ETFA: variants seen among roughly 807,000 people sequenced by gnomAD.
ETFA encodes the protein electron transfer flavoprotein subunit alpha, mitochondrial.
Under a neutral mutation model 46.2 loss-of-function variants are expected in ETFA, and 22 were observed. That is an observed-to-expected ratio of 0.48 (90% CI 0.34 to 0.68). The LOEUF is 0.68. Among genes scored for constraint, ETFA ranks in the 30% least tolerant of loss-of-function variants. The probability of loss-of-function intolerance (pLI) is 0.01; values close to 1 mark genes in which losing one functional copy is unlikely to be tolerated. For synonymous variants in ETFA, 131 were observed against 139.9 expected (o/e 0.94, Z 0.45); for missense variants, 345 against 401.1 (o/e 0.86, Z 1.19).
chr15:76,288,212 G>C (rs1235382466), intron 4 of ETFA, among the ~76,000 whole-genome samples: 1 of 152,088 alleles, frequency 6.6e-6, no homozygotes, highest in African/African-American at 2.4e-5. Flanking sequence ...TGAACTATGA[G>C]ATATGAAATT....
At chr15:76,259,708 C>A in intron 9 of ETFA, 1 of 1,357,912 alleles carries the variant, frequency 7.4e-7, no homozygotes, top group Non-Finnish European at 1.1e-6. Flanking sequence ...CAGCCACACA[C>A]ACGGTCATGT....
chr15:76,216,368 G>T lies in ETFA; in HGVS notation c.*191C>A. On this transcript the variant is annotated 3_prime_UTR_variant, in exon 12 of 12. Coordinates refer to ENST00000557943, the MANE Select transcript of ETFA (RefSeq NM_000126.4). ...TAAAAAGTTCAAACAATAATTGTTT[G>T]GAACCACAAATAATTAAAAGGAAAC... is the stretch of plus-strand genomic sequence containing the variant. 1 of 568,424 alleles carries T rather than the reference G, an allele frequency of 1.8e-6. No homozygotes were observed. The highest frequency in any genetic ancestry group is 3.1e-6 in the Non-Finnish European group (1 of 322,686). 35.2% of individuals were successfully genotyped at this position (568,424 alleles called of 1,614,324 possible).
At chr15:76,243,064 A>T (rs984670986) in intron 9 of ETFA, among the ~76,000 whole-genome samples, 1 of 152,222 alleles carries the variant, frequency 6.6e-6, no homozygotes, top group African/African-American at 2.4e-5. Flanking sequence ...TGGGAGGACA[A>T]GGTGGGTGGA....
chr15:76,277,105 C>T (rs1000331818), intron 8 of ETFA, among the ~76,000 whole-genome samples: 10 of 152,334 alleles, frequency 6.6e-5, no homozygotes, highest in East Asian at 1.9e-4. Flanking sequence ...CCTATGGTGA[C>T]GTCTTGGTCT....
In ETFA at chr15:76,298,095, T is replaced by C. The variant is rs183322463; in HGVS notation, c.40-2358A>G. Among the ~76,000 whole-genome samples the C allele has an allele frequency of 9.6e-4, 146 of 151,564 alleles. 1 individual carries two copies. The highest frequency in any genetic ancestry group is 3.5e-3 in the African/African-American group (143 of 41,308). On this transcript the variant is annotated intron_variant, in intron 1 of 11. Coordinates refer to ENST00000557943, the MANE Select transcript of ETFA (RefSeq NM_000126.4). ...TCTTGCTCTGTTGCCCAGGCCAGAG[T>C]GCAGTGGCGTGCTCTTGACTCACTG...
In ETFA at chr15:76,268,189, C is replaced by CAAAAAAA. The variant is rs57096514; in HGVS notation, c.816+6216_816+6222dup. 5.0e-4 allele frequency among the ~76,000 whole-genome samples: 53 copies of CAAAAAAA among 107,066 alleles called. 1 individual carries two copies. The highest frequency in any genetic ancestry group is 2.1e-3 in the East Asian group (7 of 3,378). The allele number at this position is 107,066 out of a possible 152,430, so 70.2% of individuals were successfully genotyped here. A position where few individuals can be genotyped will look rare whatever the true frequency, so the allele number is the denominator to read the frequency against. ...GCAATGGCATGCCTCCCAGCTACAG[C>CAAAAAAA]AAAAAAAAAAAAAAAAAGCCTTTGC... On this transcript the variant is annotated intron_variant, in intron 9 of 11. Transcript: ENST00000557943.
chr15:76,284,651 C>T (rs1416221094), intron 7 of ETFA, among the ~76,000 whole-genome samples: 2 of 151,944 alleles, frequency 1.3e-5, no homozygotes, highest in Non-Finnish European at 2.9e-5. Context: ...CCACCATGCC[C>T]AGCTAATTTT....
chr15:76,297,882 C>T (rs116223507), intron 1 of ETFA, among the ~76,000 whole-genome samples: 3,220 of 152,162 alleles, frequency 0.021, 110 homozygotes, highest in African/African-American at 0.074. Flanking sequence ...TTCTCAGATA[C>T]CACCTAGAGA....
intron 1 of ETFA, among the ~76,000 whole-genome samples, chr15:76,303,651 A>T (rs1297654733): frequency 2.0e-5 from 3 of 152,256 alleles, no homozygotes; most frequent in Non-Finnish European, 4.4e-5. Flanking sequence ...TGGGCAATGG[A>T]CATCAACAGA....
chr15:76,251,570 G>A (rs953611140), intron 9 of ETFA, among the ~76,000 whole-genome samples: 2 of 152,156 alleles, frequency 1.3e-5, no homozygotes, highest in Non-Finnish European at 2.9e-5. Flanking sequence ...CTGGACAGTA[G>A]TTCTGATAAT....
chr15:76,263,420 G>A (rs143950958), intron 9 of ETFA, among the ~76,000 whole-genome samples: 10 of 152,238 alleles, frequency 6.6e-5, no homozygotes, highest in African/African-American at 1.9e-4. Flanking sequence ...ACCCAGGGAC[G>A]ACTGAAAGAA....
intron 9 of ETFA, among the ~76,000 whole-genome samples, chr15:76,262,928 G>A (rs1177807002): frequency 1.3e-5 from 2 of 152,136 alleles, no homozygotes; most frequent in Admixed American, 1.3e-4. Context: ...AAAGTGCTGG[G>A]GGGAACTATA....
intron 9 of ETFA, chr15:76,261,144 A>T: frequency 6.5e-7 from 1 of 1,531,860 alleles, no homozygotes; most frequent in Non-Finnish European, 9.0e-7. Flanking sequence ...CATTTAAAAC[A>T]AATGGAGAGG....
At chr15:76,295,936 C>CTTTTATTTTTTTTT (rs2039816558) in intron 1 of ETFA, among the ~76,000 whole-genome samples, 199 bp from the exon 2 acceptor site, 1 of 46,602 alleles carries the variant, frequency 2.1e-5, no homozygotes, top group Non-Finnish European at 4.2e-5. Context: ...CACTAATATT[C>CTTTTATTTTTTTTT]TTTTTTTTTT....
At chr15:76,267,554 T>C (rs1167209557) in intron 9 of ETFA, among the ~76,000 whole-genome samples, 1 of 152,242 alleles carries the variant, frequency 6.6e-6, no homozygotes, top group East Asian at 1.9e-4. Context: ...ATTACTGTTT[T>C]TACTGATGGA....
intron 8 of ETFA, 87 bp downstream of exon 8, chr15:76,283,670 T>A (rs1215901698): frequency 3.1e-6 from 3 of 961,818 alleles, no homozygotes; most frequent in Non-Finnish European, 3.3e-6. Flanking sequence ...TTTGTAGGGC[T>A]GAAAGACTTA....
chr15:76,301,528 G>C (rs2039880199), intron 1 of ETFA, among the ~76,000 whole-genome samples: 1 of 152,152 alleles, frequency 6.6e-6, no homozygotes, highest in South Asian at 2.1e-4. Context: ...CTGGTCAGTA[G>C]AGTGAAACCC....
intron 10 of ETFA, 26 bp downstream of exon 10, chr15:76,231,307 T>C (rs1164608118): frequency 3.4e-6 from 5 of 1,481,516 alleles, no homozygotes; most frequent in Non-Finnish European, 4.7e-6. Flanking sequence ...AAACGTTTTC[T>C]TTTAACATCA....
At chr15:76,254,937 G>A (rs940779920) in intron 9 of ETFA, among the ~76,000 whole-genome samples, 10 of 152,070 alleles carry the variant, frequency 6.6e-5, no homozygotes, top group African/African-American at 2.4e-4. Context: ...TGCCTGCAAG[G>A]AAACACAAGA....
Sources: gnomAD v4.1 joint callset for allele counts (sites outside exome capture counted in the v4.1 genomes callset) on GRCh38, gnomAD v4.1.1 for gene constraint, MANE v1.5 for transcripts, NCBI Gene and HGNC (gene_info 2026-07-23, HGNC 2026-07-21) for gene names.